The following WWOX variants were observed in gnomAD, a reference collection of about 807,000 sequenced individuals.
WWOX encodes WW domain containing oxidoreductase, also known as WW domain-containing oxidoreductase.
Under a neutral mutation model 46.2 loss-of-function variants are expected in WWOX, and 69 were observed. The observed-to-expected ratio is 1.49, with a 90% CI of 1.23 to 1.82. WWOX has a LOEUF of 1.82. Ranked by LOEUF, WWOX falls within the 40% of genes most tolerant of loss-of-function variation. The pLI, the probability that WWOX is intolerant of heterozygous loss-of-function variation, is 0.00. For synonymous variants in WWOX, 359 were observed against 202.6 expected (o/e 1.77, Z -6.56); for missense variants, 919 against 542.6 (o/e 1.69, Z -6.89).
rs184953599 is a variant in WWOX at position 78,508,463 on chromosome 16, C to T, written c.1056+75711C>T. Among the ~76,000 whole-genome samples, 4 of 152,204 alleles carry T rather than the reference C, an allele frequency of 2.6e-5. No homozygotes were observed. The East Asian group carries it at 7.7e-4, about 29-fold the overall frequency. ...CTGTAAACAAAAACAACACAGCCAT[C>T]TAGCTGCAAGACGTAGCTAATTGCT... is the stretch of plus-strand genomic sequence containing the variant. On this transcript the variant is annotated intron_variant, in intron 8 of 8. Transcript: ENST00000566780.
At position 79,172,764 on chromosome 16, in the gene WWOX, G is replaced by A. The variant is rs140954114; in HGVS notation, c.1057-38844G>A. Among the ~76,000 whole-genome samples the A allele has an allele frequency of 2.8e-3, 422 of 152,124 alleles. 2 individuals are homozygous for A. The highest frequency in any genetic ancestry group is 9.6e-3 in the African/African-American group (400 of 41,502). ...TTCACGGCCAGTTATGGTGGCTCAC[G>A]CCTGTAATTCCAGCACTCTGGGAGG... On this transcript the variant is annotated intron_variant, in intron 8 of 8. Coordinates refer to ENST00000566780, the MANE Select transcript of WWOX (RefSeq NM_016373.4).
At chr16:78,456,635 A>T (rs1418623511) in intron 8 of WWOX, among the ~76,000 whole-genome samples, 1 of 152,202 alleles carries the variant, frequency 6.6e-6, no homozygotes, top group Admixed American at 6.5e-5. Flanking sequence ...AAAATTCTGA[A>T]TCTGTGGTGT....
chr16:78,731,937 T>G (rs762532020), intron 8 of WWOX, among the ~76,000 whole-genome samples: 2 of 148,934 alleles, frequency 1.3e-5, no homozygotes, highest in African/African-American at 5.1e-5. Flanking sequence ...AGCCTTGAAC[T>G]CTGGGCTCAA....
intron 8 of WWOX, among the ~76,000 whole-genome samples, chr16:79,072,621 C>G (rs985341395): frequency 7.9e-5 from 12 of 152,288 alleles, no homozygotes; most frequent in Non-Finnish European, 7.4e-5. Context: ...ATTATCGAAG[C>G]TATAATTATT....
At chr16:78,485,596 G>A (rs1486725271) in intron 8 of WWOX, among the ~76,000 whole-genome samples, 1 of 152,170 alleles carries the variant, frequency 6.6e-6, no homozygotes, top group Non-Finnish European at 1.5e-5. Flanking sequence ...AGGGGAGCCT[G>A]TCTCACAGCA....
intron 4 of WWOX, among the ~76,000 whole-genome samples, chr16:78,142,051 C>T (rs1347973273): frequency 6.7e-6 from 1 of 149,622 alleles, no homozygotes; most frequent in Non-Finnish European, 1.5e-5. Context: ...TTTATTATCT[C>T]ATAACAGATT....
At chr16:79,101,363 A>C (rs1049039537) in intron 8 of WWOX, 3 of 152,212 alleles carry the variant, frequency 2.0e-5, no homozygotes, top group Non-Finnish European at 2.9e-5. Flanking sequence ...TTATAGAAGG[A>C]TTTAACACGT....
rs1424629781 is a variant in WWOX, at chr16:78,422,884, CAT to C, written c.606-1981_606-1980del. ...ACACACACACACACACACACACACA[CAT>C]ATATTTTTTTTTTCTTTTAGATGGA... On this transcript the variant is annotated intron_variant, in intron 6 of 8. Coordinates refer to ENST00000566780, the MANE Select transcript of WWOX (RefSeq NM_016373.4). Among the ~76,000 whole-genome samples the C allele has an allele frequency of 4.7e-4, 49 of 103,586 alleles. 1 individual carries two copies. Among genetic ancestry groups the C allele is most frequent in the South Asian group, 1.6e-3 (5 of 3,188 alleles). 68.0% of individuals were successfully genotyped at this position (103,586 alleles called of 152,430 possible).
Position 78,614,616 on chromosome 16 carries a change from A to T in WWOX, c.1056+181864A>T, listed in dbSNP as rs576761061. On this transcript the variant is annotated intron_variant, in intron 8 of 8. Coordinates refer to ENST00000566780, the MANE Select transcript of WWOX (RefSeq NM_016373.4). ...GTGTGGGTCTTTGAGCTAGAGAGACATAGGTGTATGGCAGATGAGGGACCA... is the reference window on the plus strand; with the variant it reads ...GTGTGGGTCTTTGAGCTAGAGAGACTTAGGTGTATGGCAGATGAGGGACCA... Among the ~76,000 whole-genome samples, 6 of 152,310 alleles carry T rather than the reference A, an allele frequency of 3.9e-5. No individual in the cohort carries two copies. The East Asian group carries it at 1.2e-3, about 29-fold the overall frequency.
chr16:78,715,696 C>T (rs565318491), intron 8 of WWOX, among the ~76,000 whole-genome samples: 1 of 152,218 alleles, frequency 6.6e-6, no homozygotes, highest in Non-Finnish European at 1.5e-5. Flanking sequence ...AGGCTGGTCT[C>T]GAACTCCTGA....
At chr16:79,019,186 G>GA (rs112613038) in intron 8 of WWOX, among the ~76,000 whole-genome samples, 539 of 47,070 alleles carry the variant, frequency 0.011, 43 homozygotes, top group Non-Finnish European at 0.018. Flanking sequence ...AAAAAAAAAA[G>GA]AAAAAAAAAA....
intron 8 of WWOX, among the ~76,000 whole-genome samples, chr16:79,159,107 C>T (rs1325475293): frequency 6.6e-6 from 1 of 152,140 alleles, no homozygotes; most frequent in African/African-American, 2.4e-5. Flanking sequence ...TCTTTAATTT[C>T]ATGTAAATTT....
intron 4 of WWOX, among the ~76,000 whole-genome samples, chr16:78,158,942 C>T (rs1181153922): frequency 6.6e-6 from 1 of 152,124 alleles, no homozygotes; most frequent in African/African-American, 2.4e-5. Context: ...TTCTCTCTCC[C>T]CTCAGCCCTT....
intron 8 of WWOX, among the ~76,000 whole-genome samples, chr16:78,803,724 G>A (rs1056259827): frequency 6.6e-6 from 1 of 152,146 alleles, no homozygotes; most frequent in Admixed American, 6.5e-5. Context: ...CTCCCAAAGT[G>A]CAGGCATTTT....
intron 4 of WWOX, among the ~76,000 whole-genome samples, chr16:78,126,365 T>A (rs1208747228): frequency 6.6e-6 from 1 of 152,240 alleles, no homozygotes; most frequent in Non-Finnish European, 1.5e-5. Flanking sequence ...AATGCTCCTT[T>A]GCCCAGCATC....
chr16:78,536,815 C>A (rs139507150), intron 8 of WWOX, among the ~76,000 whole-genome samples: 1 of 151,028 alleles, frequency 6.6e-6, no homozygotes, highest in Non-Finnish European at 1.5e-5. Flanking sequence ...ATTTCCATGT[C>A]TGTGTAGCTT....
At chr16:78,754,458 A>T (rs138408056) in intron 8 of WWOX, among the ~76,000 whole-genome samples, 84 of 152,258 alleles carry the variant, frequency 5.5e-4, no homozygotes, top group African/African-American at 1.8e-3. Flanking sequence ...TTGAAAGCCA[A>T]TGTTCTCTTA....
chr16:79,074,305 C>T (rs889916543), intron 8 of WWOX, among the ~76,000 whole-genome samples: 2 of 151,644 alleles, frequency 1.3e-5, no homozygotes, highest in East Asian at 1.9e-4. Context: ...TTGGCTGTCA[C>T]CCCCATTTCC....
At chr16:78,793,944 A>T (rs1231101998) in intron 8 of WWOX, among the ~76,000 whole-genome samples, 1 of 152,136 alleles carries the variant, frequency 6.6e-6, no homozygotes, top group Non-Finnish European at 1.5e-5. Flanking sequence ...ATAGAAGAGG[A>T]TGTAGGGCAG....
Sources: allele counts gnomAD v4.1 joint callset (sites outside exome capture counted in the v4.1 genomes callset), GRCh38; gene constraint gnomAD v4.1.1; transcripts MANE v1.5; gene names NCBI Gene and HGNC (gene_info 2026-07-23, HGNC 2026-07-21).